The following FAM149A variants were observed in gnomAD, a reference collection of about 807,000 sequenced individuals.
FAM149A encodes family with sequence similarity 149 member A.
FAM149A carries 71 observed loss-of-function variants against 78.2 expected under a neutral mutation model. The observed-to-expected ratio is 0.91, with a 90% CI of 0.75 to 1.11. The LOEUF (loss-of-function observed/expected upper bound fraction) is 1.11. Among genes scored for constraint, FAM149A ranks in the 50% least tolerant of loss-of-function variants. FAM149A has a pLI of 0.00. For synonymous variants in FAM149A, 446 were observed against 410.5 expected (o/e 1.09, Z -1.04); for missense variants, 1,036 against 971.0 (o/e 1.07, Z -0.89).
intron 1 of FAM149A, among the ~76,000 whole-genome samples, chr4:186,127,929 C>T (rs2099319054): frequency 6.6e-6 from 1 of 151,648 alleles, no homozygotes; most frequent in Non-Finnish European, 1.5e-5. Context: ...TTCAGTTGAT[C>T]CTCCCCACTC....
At chr4:186,159,915 A>G (rs1734375102) in intron 8 of FAM149A, among the ~76,000 whole-genome samples, 1 of 98,432 alleles carries the variant, frequency 1.0e-5, no homozygotes, top group South Asian at 2.9e-4. Flanking sequence ...ATGTCAAACA[A>G]CACACACACA....
chr4:186,150,490 GCTCACTGCAAGCTCCGC>G (rs1733436282), intron 3 of FAM149A, among the ~76,000 whole-genome samples: 2 of 132,464 alleles, frequency 1.5e-5, no homozygotes, highest in Admixed American at 7.8e-5. Flanking sequence ...CGCGATCTCG[GCTCACTGCAAGCTCCGC>G]CTCCCGGGTT....
intron 1 of FAM149A, among the ~76,000 whole-genome samples, chr4:186,135,628 G>A (rs2099322371): frequency 6.6e-6 from 1 of 152,146 alleles, no homozygotes; most frequent in South Asian, 2.1e-4. Flanking sequence ...CACCGACAGC[G>A]CTGTCTATAC....
chr4:186,128,869 G>GGT (rs1483418474), intron 1 of FAM149A, among the ~76,000 whole-genome samples: 1 of 151,642 alleles, frequency 6.6e-6, no homozygotes, highest in African/African-American at 2.4e-5. Flanking sequence ...TCTGTATAGG[G>GGT]GTGTGTGTGT....
intron 1 of FAM149A, chr4:186,124,375 T>TC (rs2099317362): frequency 3.2e-6 from 1 of 312,270 alleles, no homozygotes; most frequent in Non-Finnish European, 4.6e-6. Flanking sequence ...AACTCGTCAT[T>TC]TACATTAGGT....
intron 13 of FAM149A, chr4:186,169,983 A>C: frequency 1.0e-6 from 1 of 967,456 alleles, no homozygotes; most frequent in Non-Finnish European, 1.2e-6. Flanking sequence ...CCCCTCCTTA[A>C]CCATTTTTTT....
rs777600664 is a variant in FAM149A, at chr4:186,136,958, CTCTCTT to C, written c.567-12209_567-12204del. Among the ~76,000 whole-genome samples the C allele has an allele frequency of 8.5e-3, 872 of 103,036 alleles. 16 individuals carry two copies. The highest frequency in any genetic ancestry group is 0.02 in the African/African-American group (464 of 22,830). The allele number at this position is 103,036 out of a possible 152,430, so 67.6% of individuals were successfully genotyped here. A position where few individuals can be genotyped will look rare whatever the true frequency, so the allele number is the denominator to read the frequency against. Reference sequence around the variant, plus strand: ...TTGATCTCTCTCTCTCTCTCTCTCTCTCTCTTTCTCTCTCTCTTTCTCTCTCTCTCT... The same window carrying C: ...TTGATCTCTCTCTCTCTCTCTCTCTCTCTCTCTCTCTTTCTCTCTCTCTCT... On this transcript the variant is annotated intron_variant, in intron 1 of 13. Transcript: ENST00000389354.
intron 1 of FAM149A, among the ~76,000 whole-genome samples, chr4:186,136,964 T>TCTCTCTCTG: frequency 1.0e-5 from 1 of 97,110 alleles, no homozygotes; most frequent in African/African-American, 4.4e-5. Flanking sequence ...CTCTCTCTCT[T>TCTCTCTCTG]TCTCTCTCTC....
In FAM149A at chr4:186,165,453, C is replaced by T. The variant is rs138746162; in HGVS notation, c.1999C>T (p.Arg667Cys). Residue 667 changes from arginine to cysteine, a missense_variant, in exon 11 of 14, where the codon CGC becomes TGC. Transcript: ENST00000389354. Reference sequence around the variant, plus strand: ...GCAGAATACAGCAGTTCCTGGATGCCGCCTTGTTTCTGTAAGACAGATTTC... The same window carrying T: ...GCAGAATACAGCAGTTCCTGGATGCTGCCTTGTTTCTGTAAGACAGATTTC... 2.4e-4 allele frequency: 381 copies of T among 1,614,134 alleles called. No individual in the cohort carries two copies. The highest frequency in any genetic ancestry group is 7.1e-4 in the African/African-American group (53 of 75,052).
At chr4:186,150,996 C>T in intron 3 of FAM149A, 4 of 984,140 alleles carry the variant, frequency 4.1e-6, no homozygotes, top group Non-Finnish European at 3.6e-6. Flanking sequence ...TGAGCCACTG[C>T]GCCCAGCCTC....
chr4:186,150,702 A>G (rs1333849626), intron 3 of FAM149A, among the ~76,000 whole-genome samples: 1 of 138,114 alleles, frequency 7.2e-6, no homozygotes, highest in Non-Finnish European at 1.5e-5. Flanking sequence ...TACAGGCGTG[A>G]GCCACCGCGT....
intron 1 of FAM149A, among the ~76,000 whole-genome samples, chr4:186,128,481 AAAACC>A (rs1367999755): frequency 1.3e-5 from 2 of 151,944 alleles, no homozygotes; most frequent in Non-Finnish European, 2.9e-5. Context: ...TATAAAAAAA[AAAACC>A]AAAAAGAGCA....
intron 13 of FAM149A, chr4:186,169,314 GC>G (rs1735333101): frequency 1.0e-6 from 1 of 985,198 alleles, no homozygotes; most frequent in Admixed American, 6.2e-5. Context: ...CACAGCCAAG[GC>G]CCCTGATCTC....
intron 1 of FAM149A, among the ~76,000 whole-genome samples, chr4:186,136,337 T>TA (rs1161111875): frequency 3.3e-5 from 5 of 152,120 alleles, no homozygotes; most frequent in East Asian, 1.9e-4. Context: ...TGTGTAAAAG[T>TA]AAAAAAATTG....
intron 1 of FAM149A, among the ~76,000 whole-genome samples, chr4:186,141,929 C>T: frequency 6.6e-6 from 1 of 152,134 alleles, no homozygotes; most frequent in Non-Finnish European, 1.5e-5. Context: ...CAAAGAAACC[C>T]ACAAGGTATT....
intron 1 of FAM149A, among the ~76,000 whole-genome samples, chr4:186,121,762 A>G (rs2099316165): frequency 2.0e-5 from 3 of 152,196 alleles, no homozygotes; most frequent in Admixed American, 1.3e-4. Flanking sequence ...GTCTGTCTTC[A>G]TTCTCTCTTC....
At chr4:186,169,717 CGGG>C in intron 13 of FAM149A, 1 of 985,316 alleles carries the variant, frequency 1.0e-6, no homozygotes, top group Non-Finnish European at 1.2e-6. Context: ...GAGCTGGTAT[CGGG>C]GGACTGCAGT....
chr4:186,170,942 C>T (rs1279167519), intron 13 of FAM149A: 3 of 152,286 alleles, frequency 2.0e-5, no homozygotes, highest in Non-Finnish European at 4.4e-5. Flanking sequence ...TTTCAATTTT[C>T]CTCTAAGTCT....
At chr4:186,123,093 T>A (rs1156953079) in intron 1 of FAM149A, 2 of 355,414 alleles carry the variant, frequency 5.6e-6, no homozygotes, top group Non-Finnish European at 7.9e-6. Context: ...GAGGAGATAC[T>A]TTCATTCATA....
Sources: allele counts gnomAD v4.1 joint callset (sites outside exome capture counted in the v4.1 genomes callset), GRCh38; gene constraint gnomAD v4.1.1; transcripts MANE v1.5; gene names NCBI Gene and HGNC (gene_info 2026-07-23, HGNC 2026-07-21).